The following JAK1 variants were observed in gnomAD, a reference collection of about 807,000 sequenced individuals.
JAK1 encodes tyrosine-protein kinase JAK1.
A neutral mutation model predicts 136.6 loss-of-function variants in JAK1; 16 were observed. The observed-to-expected ratio is 0.12, with a 90% CI of 0.08 to 0.18. The LOEUF is 0.18. JAK1 is among the 10% of genes least tolerant of loss of function. The pLI is 1.00. For synonymous variants in JAK1, 492 were observed against 519.5 expected (o/e 0.95, Z 0.72); for missense variants, 859 against 1,450.1 (o/e 0.59, Z 6.62).
chr1:64,885,266 C>T (rs756091286), intron 2 of JAK1, among the ~76,000 whole-genome samples: 1 of 152,198 alleles, frequency 6.6e-6, no homozygotes, highest in Non-Finnish European at 1.5e-5. Flanking sequence ...CCCCATCCCA[C>T]ATTGAAAAAC....
chr1:64,860,465 T>C (rs1656225999), intron 8 of JAK1, among the ~76,000 whole-genome samples: 1 of 150,612 alleles, frequency 6.6e-6, no homozygotes, highest in South Asian at 2.1e-4. Context: ...TATTTATTTA[T>C]TTATTTGAGA....
intron 2 of JAK1, among the ~76,000 whole-genome samples, chr1:65,035,758 C>T (rs1647066795): frequency 6.6e-6 from 1 of 152,026 alleles, no homozygotes; most frequent in South Asian, 2.1e-4. Flanking sequence ...CTGAAATAAT[C>T]ATAGCAACAT....
intron 1 of JAK1, among the ~76,000 whole-genome samples, chr1:64,897,811 G>C (rs1645046897): frequency 6.6e-6 from 1 of 151,974 alleles, no homozygotes; most frequent in South Asian, 2.1e-4. Context: ...TACGTGGGGT[G>C]GGGGTTCTCA....
intron 1 of JAK1, among the ~76,000 whole-genome samples, chr1:64,895,322 T>C (rs1479415606): frequency 6.6e-6 from 1 of 152,206 alleles, no homozygotes; most frequent in African/African-American, 2.4e-5. Flanking sequence ...TTTTCTTATA[T>C]TTAATACATT....
At chr1:64,943,487 AGAT>A (rs1458921348) in intron 1 of JAK1, among the ~76,000 whole-genome samples, 1 of 152,242 alleles carries the variant, frequency 6.6e-6, no homozygotes, top group Non-Finnish European at 1.5e-5. Flanking sequence ...GTTAGTGGGG[AGAT>A]GATGATTTTT....
chr1:65,054,135 A>C (rs1647417861), intron 1 of JAK1, among the ~76,000 whole-genome samples: 1 of 152,122 alleles, frequency 6.6e-6, no homozygotes, highest in African/African-American at 2.4e-5. Context: ...CAGCTAATAA[A>C]ACATGTGATC....
chr1:65,008,642 C>T (rs907928141), intron 2 of JAK1, among the ~76,000 whole-genome samples: 6 of 151,592 alleles, frequency 4.0e-5, no homozygotes, highest in African/African-American at 1.5e-4. Flanking sequence ...TCCCCTTCCC[C>T]TTCGCCTTCC....
chr1:64,887,823 C>T (rs1025506626), intron 1 of JAK1, among the ~76,000 whole-genome samples: 3 of 152,138 alleles, frequency 2.0e-5, no homozygotes, highest in African/African-American at 7.2e-5. Context: ...GAAAAAGGTC[C>T]TATAGCAGAA....
chr1:64,929,153 C>A (rs896512349), intron 1 of JAK1, among the ~76,000 whole-genome samples: 1 of 152,188 alleles, frequency 6.6e-6, no homozygotes, highest in Non-Finnish European at 1.5e-5. Context: ...AAATCTCAGG[C>A]ACATCTGCTG....
intron 1 of JAK1, chr1:64,918,664 G>T: frequency 5.3e-6 from 1 of 190,410 alleles, no homozygotes; most frequent in South Asian, 9.7e-5. Flanking sequence ...GTAAACTGAA[G>T]AAAGATGGTC....
At chr1:64,996,721 C>T (rs139606590) in intron 2 of JAK1, among the ~76,000 whole-genome samples, 2 of 152,284 alleles carry the variant, frequency 1.3e-5, no homozygotes, top group East Asian at 3.9e-4. Flanking sequence ...TGTTTGCCAA[C>T]ACTTAAAAAT....
chr1:64,880,125 C>A (rs1644747004), intron 3 of JAK1, among the ~76,000 whole-genome samples: 1 of 152,150 alleles, frequency 6.6e-6, no homozygotes, highest in African/African-American at 2.4e-5. Flanking sequence ...CCCTCCCTGG[C>A]CCAGCACACC....
chr1:64,930,391 G>C (rs1645668269), intron 1 of JAK1, among the ~76,000 whole-genome samples: 1 of 152,022 alleles, frequency 6.6e-6, no homozygotes, highest in African/African-American at 2.4e-5. Context: ...AACAAACATA[G>C]GGGAAAAAAG....
intron 1 of JAK1, among the ~76,000 whole-genome samples, chr1:64,961,683 C>G (rs1422662179): frequency 1.3e-5 from 2 of 152,082 alleles, no homozygotes; most frequent in Non-Finnish European, 2.9e-5. Flanking sequence ...CACACTGTAT[C>G]TCTGCCTAGA....
chr1:64,996,771 C>G (rs751020262), intron 2 of JAK1, among the ~76,000 whole-genome samples: 1 of 152,186 alleles, frequency 6.6e-6, no homozygotes, highest in Non-Finnish European at 1.5e-5. Context: ...CTTGAGAAAT[C>G]TGAAGAACAC....
chr1:64,850,487 T>C (rs1454554550), intron 12 of JAK1, among the ~76,000 whole-genome samples: 2 of 152,216 alleles, frequency 1.3e-5, no homozygotes, highest in African/African-American at 2.4e-5. Context: ...CGAGGTGTGA[T>C]GGCCATGCTC....
chr1:64,878,561 GTATATATATATATATATATATATATA>G (rs56881589), intron 4 of JAK1, among the ~76,000 whole-genome samples: 16 of 119,988 alleles, frequency 1.3e-4, no homozygotes, highest in South Asian at 2.9e-4. Context: ...TATATAGTGT[GTATATATATATATATATATATATATA>G]TATATATATA....
intron 23 of JAK1, 37 bp from the exon 24 acceptor site, chr1:64,835,543 G>A: frequency 8.0e-7 from 1 of 1,252,232 alleles, no homozygotes; most frequent in Non-Finnish European, 1.1e-6. Context: ...GTTTAACTTT[G>A]CAAGTATTTA....
chr1:65,062,613 T>G (rs1647842232), intron 1 of JAK1, among the ~76,000 whole-genome samples: 1 of 152,224 alleles, frequency 6.6e-6, no homozygotes, highest in African/African-American at 2.4e-5. Context: ...TTCCTACATC[T>G]GTAAAATGAA....
Sources: allele counts gnomAD v4.1 joint callset (sites outside exome capture counted in the v4.1 genomes callset), GRCh38; gene constraint gnomAD v4.1.1; transcripts MANE v1.5; gene names NCBI Gene and HGNC (gene_info 2026-07-23, HGNC 2026-07-21).